Variants in SGCZ observed in about 807,000 individuals in gnomAD.
SGCZ encodes the protein zeta-sarcoglycan.
SGCZ carries 40 observed loss-of-function variants against 41.3 expected under a neutral mutation model. That is an observed-to-expected ratio of 0.97 (90% confidence interval 0.75 to 1.26). The LOEUF is 1.26. Among genes scored for constraint, SGCZ ranks in the 50% most tolerant of loss-of-function variants. The pLI is 0.00. For synonymous variants in SGCZ, 206 were observed against 137.5 expected (o/e 1.50, Z -3.49); for missense variants, 552 against 369.8 (o/e 1.49, Z -4.04).
intron 3 of SGCZ, among the ~76,000 whole-genome samples, chr8:14,274,064 C>T (rs1800149334): frequency 6.6e-6 from 1 of 151,850 alleles, no homozygotes; most frequent in Non-Finnish European, 1.5e-5. Flanking sequence ...TTTCAAATCC[C>T]CTGTTACATG....
chr8:14,212,993 A>G (rs1180067352), intron 4 of SGCZ, among the ~76,000 whole-genome samples: 1 of 152,132 alleles, frequency 6.6e-6, no homozygotes, highest in Non-Finnish European at 1.5e-5. Flanking sequence ...ATGAGCATCA[A>G]GACAGATCAA....
chr8:14,140,600 A>T (rs920561368), intron 5 of SGCZ, among the ~76,000 whole-genome samples: 1 of 152,184 alleles, frequency 6.6e-6, no homozygotes, highest in Non-Finnish European at 1.5e-5. Context: ...ATACCTAGGA[A>T]TCCAACTTAT....
At chr8:14,628,900 T>C (rs950714043) in intron 1 of SGCZ, among the ~76,000 whole-genome samples, 1 of 152,064 alleles carries the variant, frequency 6.6e-6, no homozygotes, top group Admixed American at 6.6e-5. Flanking sequence ...AAACTGAAAA[T>C]ATAGGTGGTG....
chr8:14,310,555 G>A (rs891438304), intron 3 of SGCZ, among the ~76,000 whole-genome samples: 1 of 151,952 alleles, frequency 6.6e-6, no homozygotes, highest in Non-Finnish European at 1.5e-5. Flanking sequence ...TGCACAATGT[G>A]CAGGTTAGCA....
rs1563404720 is a variant in SGCZ at position 14,551,552 on chromosome 8, ATATATATTATATATAT to A, written c.234+3164_234+3179del. ...ATATATAATATATATAATATATATAATATATATTATATATATAATATATATATAATATATATAATAT... is the reference window on the plus strand; with the variant it reads ...ATATATAATATATATAATATATATAAAATATATATATAATATATATAATAT... On this transcript the variant is annotated intron_variant, in intron 2 of 7. Transcript: ENST00000382080. Among the ~76,000 whole-genome samples the A allele has an allele frequency of 1.4e-3, 27 of 18,760 alleles. 6 individuals carry two copies. The highest frequency in any genetic ancestry group is 8.5e-3 in the African/African-American group (25 of 2,938). The allele number at this position is 18,760 out of a possible 152,430, so 12.3% of individuals were successfully genotyped here.
At chr8:14,544,948 A>G (rs796700233) in intron 2 of SGCZ, among the ~76,000 whole-genome samples, 22 of 152,030 alleles carry the variant, frequency 1.4e-4, no homozygotes, top group African/African-American at 5.1e-4. Flanking sequence ...TGATCTTTGT[A>G]CCTACTCCCC....
chr8:14,520,327 C>G (rs962809626), intron 2 of SGCZ, among the ~76,000 whole-genome samples: 9 of 152,080 alleles, frequency 5.9e-5, no homozygotes, highest in East Asian at 3.9e-4. Flanking sequence ...TTCCTGGAAG[C>G]AGCTATTACA....
chr8:14,390,477 A>C (rs1052617744), intron 2 of SGCZ, among the ~76,000 whole-genome samples: 2 of 151,906 alleles, frequency 1.3e-5, no homozygotes, highest in South Asian at 2.1e-4. Context: ...GATAAATAAA[A>C]GACTTTTAAA....
chr8:14,205,502 C>T (rs1453620445), intron 4 of SGCZ, among the ~76,000 whole-genome samples: 1 of 152,104 alleles, frequency 6.6e-6, no homozygotes, highest in Non-Finnish European at 1.5e-5. Flanking sequence ...CTAAACATTG[C>T]CGATGATGTC....
chr8:14,946,346 C>A (rs1016540697), intron 1 of SGCZ, among the ~76,000 whole-genome samples: 1 of 151,568 alleles, frequency 6.6e-6, no homozygotes, highest in East Asian at 2.0e-4. Flanking sequence ...CACGTATACT[C>A]CTCGCGCATC....
chr8:14,976,021 T>C (rs866707521), intron 1 of SGCZ, among the ~76,000 whole-genome samples: 2 of 135,376 alleles, frequency 1.5e-5, no homozygotes, highest in Admixed American at 7.5e-5. Flanking sequence ...TATATACACA[T>C]ATATATTTTT....
At chr8:14,752,813 T>C (rs1283424374) in intron 1 of SGCZ, among the ~76,000 whole-genome samples, 1 of 152,170 alleles carries the variant, frequency 6.6e-6, no homozygotes, top group African/African-American at 2.4e-5. Context: ...ACTGGGGAGA[T>C]GATGCTTTAG....
At chr8:14,520,458 T>C (rs1802755169) in intron 2 of SGCZ, among the ~76,000 whole-genome samples, 1 of 152,164 alleles carries the variant, frequency 6.6e-6, no homozygotes, top group South Asian at 2.1e-4. Flanking sequence ...AACCAATGCT[T>C]TAGCATATCT....
chr8:14,327,592 A>G (rs997512267), intron 2 of SGCZ, among the ~76,000 whole-genome samples: 3 of 152,212 alleles, frequency 2.0e-5, no homozygotes. Flanking sequence ...GGCTGGAAAT[A>G]AGAGGACTGG....
At chr8:14,516,324 G>C (rs1473455605) in intron 2 of SGCZ, among the ~76,000 whole-genome samples, 1 of 151,714 alleles carries the variant, frequency 6.6e-6, no homozygotes, top group African/African-American at 2.4e-5. Context: ...AGGAGGACCT[G>C]TGTCTGTTGT....
At chr8:15,036,334 C>T (rs1803873490) in intron 1 of SGCZ, among the ~76,000 whole-genome samples, 1 of 151,928 alleles carries the variant, frequency 6.6e-6, no homozygotes, top group South Asian at 2.1e-4. Flanking sequence ...GAGATCGAAT[C>T]AGTAATAAAA....
intron 2 of SGCZ, among the ~76,000 whole-genome samples, chr8:14,452,552 C>G (rs1029878426): frequency 1.3e-5 from 2 of 151,790 alleles, no homozygotes; most frequent in South Asian, 2.1e-4. Context: ...CATGCATATA[C>G]TTTTTAAGTA....
intron 1 of SGCZ, among the ~76,000 whole-genome samples, chr8:14,616,684 A>T (rs1274101716): frequency 1.3e-5 from 2 of 152,268 alleles, no homozygotes; most frequent in East Asian, 3.9e-4. Flanking sequence ...ATGTTAGTCA[A>T]CTGATTGTTT....
At chr8:14,271,221 A>C (rs1563225771) in intron 3 of SGCZ, among the ~76,000 whole-genome samples, 1 of 152,186 alleles carries the variant, frequency 6.6e-6, no homozygotes, top group Non-Finnish European at 1.5e-5. Flanking sequence ...GAAATGATGT[A>C]TAGGAGTTGA....
Sources: allele counts gnomAD v4.1 joint callset (sites outside exome capture counted in the v4.1 genomes callset), GRCh38; gene constraint gnomAD v4.1.1; transcripts MANE v1.5; gene names NCBI Gene and HGNC (gene_info 2026-07-23, HGNC 2026-07-21).